Variants in TEX10 observed in about 807,000 individuals in gnomAD.
TEX10 encodes testis-expressed protein 10.
Under a neutral mutation model 104.4 loss-of-function variants are expected in TEX10, and 24 were observed. The ratio of observed to expected loss-of-function variants is 0.23; its 90% CI spans 0.17 to 0.32. TEX10 has a LOEUF of 0.32. TEX10 is among the 10% of genes least tolerant of loss of function. TEX10 has a pLI of 1.00. For missense variants in TEX10, 921 were observed against 1,083.9 expected (o/e 0.85, Z 2.11); for synonymous variants, 396 against 393.4 (o/e 1.01, Z -0.08).
chr9:100,316,875 C>A, intron 11 of TEX10, among the ~76,000 whole-genome samples: 1 of 84,162 alleles, frequency 1.2e-5, no homozygotes, highest in Admixed American at 1.6e-4. Context: ...ATCAAGAAGG[C>A]AATCCCACTT....
chr9:100,335,202 C>T (rs774480525), intron 5 of TEX10, among the ~76,000 whole-genome samples: 1 of 152,066 alleles, frequency 6.6e-6, no homozygotes, highest in African/African-American at 2.4e-5. Context: ...TCTCAAGGGT[C>T]AAGACTTTTT....
intron 5 of TEX10, among the ~76,000 whole-genome samples, chr9:100,336,579 G>A (rs1257276178): frequency 6.6e-6 from 1 of 152,098 alleles, no homozygotes; most frequent in Non-Finnish European, 1.5e-5. Flanking sequence ...CAAGCTCAGG[G>A]CTCCCACTGA....
At chr9:100,352,430 G>A in intron 1 of TEX10, 1 of 1,551,748 alleles carries the variant, frequency 6.4e-7, no homozygotes, top group Non-Finnish European at 8.7e-7. Flanking sequence ...ATGGGTTTTA[G>A]GAAACCATCG....
intron 1 of TEX10, chr9:100,352,492 C>G: frequency 1.3e-6 from 2 of 1,551,204 alleles, no homozygotes; most frequent in Non-Finnish European, 1.7e-6. Flanking sequence ...GGAAGTGGGG[C>G]CCGATTCACA....
chr9:100,328,404 A>G (rs1037082589), intron 7 of TEX10, among the ~76,000 whole-genome samples: 3 of 152,202 alleles, frequency 2.0e-5, no homozygotes, highest in African/African-American at 7.2e-5. Context: ...TGGTGATTCT[A>G]TCATGGACTT....
In TEX10 at chr9:100,333,656, A is replaced by C. The variant is rs868558354; in HGVS notation, c.1251-3487T>G. On this transcript the variant is annotated intron_variant, in intron 5 of 14. Transcript: ENST00000374902. Reference sequence around the variant, plus strand: ...CATCATAAAAAAAAAAAAAAAAAAAACCACAACAAAAAAATGCACTAAAGC... The same window carrying C: ...CATCATAAAAAAAAAAAAAAAAAAACCCACAACAAAAAAATGCACTAAAGC... 1.1e-3 allele frequency among the ~76,000 whole-genome samples: 167 copies of C among 145,566 alleles called. 3 individuals are homozygous for C. Among genetic ancestry groups the C allele is most frequent in the East Asian group, 3.8e-3 (19 of 4,980 alleles).
chr9:100,327,924 AAGCC>A lies in TEX10; in HGVS notation c.1660_1663del (p.Gly554TyrfsTer35). On this transcript the variant is annotated frameshift_variant, in exon 8 of 15. Coordinates refer to ENST00000374902, the MANE Select transcript of TEX10 (RefSeq NM_017746.4). LOFTEE classifies it high-confidence loss of function. The stretch of plus-strand genomic sequence containing the variant: ...GCCAAGATGAGCAAGTTGCAATGGT[AAGCC>A]AGCCAGCCAACGGGATAACACTTTA... 1 of 1,595,712 alleles carries A rather than the reference AAGCC, an allele frequency of 6.3e-7. No individual in the cohort carries two copies. The highest frequency in any genetic ancestry group is 8.6e-7 in the Non-Finnish European group (1 of 1,167,772).
At chr9:100,316,641 G>A (rs1318601046) in intron 11 of TEX10, among the ~76,000 whole-genome samples, 1 of 152,040 alleles carries the variant, frequency 6.6e-6, no homozygotes, top group Non-Finnish European at 1.5e-5. Flanking sequence ...TCGCTCTGTT[G>A]CCCCAACTGG....
intron 11 of TEX10, among the ~76,000 whole-genome samples, chr9:100,317,353 C>T (rs1834446487): frequency 6.6e-6 from 1 of 152,114 alleles, no homozygotes; most frequent in Admixed American, 6.5e-5. Flanking sequence ...ATATTTATAA[C>T]CAACTCAGCT....
rs933473771 is a variant in TEX10, at chr9:100,349,512, T to TA, written c.-9-141dup. 6.6e-5 allele frequency: 38 copies of TA among 574,884 alleles called. No homozygotes were observed. In the African/African-American group the frequency reaches 6.8e-4, roughly 10 times the overall value. 35.6% of individuals were successfully genotyped at this position (574,884 alleles called of 1,614,324 possible). The stretch of plus-strand genomic sequence containing the variant: ...TGATTATGCTGAAAGATCAAAATAT[T>TA]AAAAAATGCTGTTAAGAACTATTAA... On this transcript the variant is annotated intron_variant, in intron 1 of 14. Coordinates refer to ENST00000374902, the MANE Select transcript of TEX10 (RefSeq NM_017746.4).
At chr9:100,325,808 C>T (rs1834692169) in intron 9 of TEX10, among the ~76,000 whole-genome samples, 1 of 152,048 alleles carries the variant, frequency 6.6e-6, no homozygotes, top group Admixed American at 6.6e-5. Context: ...GGATTACAGG[C>T]ATGAGCCACT....
Position 100,331,192 on chromosome 9 carries a change from C to T in TEX10, c.1251-1023G>A, listed in dbSNP as rs531532719. On this transcript the variant is annotated intron_variant, in intron 5 of 14. Coordinates refer to ENST00000374902, the MANE Select transcript of TEX10 (RefSeq NM_017746.4). ...AGGAGAATCACTTGAACCCAGGAGG[C>T]GGAGTTTGCAGTGAGCCAAGATTGC... Among the ~76,000 whole-genome samples, 5 of 152,210 alleles carry T rather than the reference C, an allele frequency of 3.3e-5. No individual in the cohort carries two copies. In the South Asian group the frequency reaches 1.0e-3, roughly 32 times the overall value.
chr9:100,332,482 G>T (rs1332248414), intron 5 of TEX10, among the ~76,000 whole-genome samples: 1 of 152,300 alleles, frequency 6.6e-6, no homozygotes, highest in South Asian at 2.1e-4. Flanking sequence ...GCAGATCTCT[G>T]ATGAAACTTT....
In TEX10 at chr9:100,321,685, G is replaced by A; in HGVS notation, c.2066C>T (p.Thr689Ile). 1 of 1,610,054 alleles carries A rather than the reference G, an allele frequency of 6.2e-7. No individual in the cohort carries two copies. The highest frequency in any genetic ancestry group is 8.5e-7 in the Non-Finnish European group (1 of 1,178,260). ...ATCTGGCAAGTGAATGTGGTTACCTGTAAGTGTGGAAAATAAGAAGCTGAA... is the reference window on the plus strand; with the variant it reads ...ATCTGGCAAGTGAATGTGGTTACCTATAAGTGTGGAAAATAAGAAGCTGAA... ...DYFSFLFSTL[T>I]GFSKEELTWL... Residue 689 changes from threonine to isoleucine, a missense_variant and splice_region_variant, in exon 10 of 15, where the codon ACA (threonine) becomes ATA (isoleucine). Coordinates refer to ENST00000374902, the MANE Select transcript of TEX10 (RefSeq NM_017746.4).
intron 12 of TEX10, 47 bp from the exon 13 acceptor site, chr9:100,308,728 C>T (rs1450888442): frequency 2.8e-6 from 4 of 1,448,366 alleles, no homozygotes; most frequent in Non-Finnish European, 3.7e-6. Context: ...AACAGACCCG[C>T]TCCTCCACAT....
intron 5 of TEX10, among the ~76,000 whole-genome samples, chr9:100,334,024 G>A (rs1346352595): frequency 6.6e-6 from 1 of 152,152 alleles, no homozygotes; most frequent in African/African-American, 2.4e-5. Context: ...AATAGGTGGA[G>A]GATTCAGTAA....
chr9:100,332,909 A>G (rs953414270), intron 5 of TEX10, among the ~76,000 whole-genome samples: 2 of 152,198 alleles, frequency 1.3e-5, no homozygotes, highest in African/African-American at 4.8e-5. Flanking sequence ...GTTCCAAAGA[A>G]AAAAGCTGCA....
chr9:100,337,234 T>G (rs1033346960), intron 5 of TEX10, among the ~76,000 whole-genome samples: 8 of 152,218 alleles, frequency 5.3e-5, no homozygotes, highest in African/African-American at 1.9e-4. Flanking sequence ...TCCTTTACCA[T>G]GAAATGCTCA....
intron 11 of TEX10, among the ~76,000 whole-genome samples, chr9:100,311,857 G>A (rs1289598005): frequency 2.0e-5 from 3 of 152,070 alleles, no homozygotes; most frequent in African/African-American, 7.2e-5. Context: ...GAAAAAACAA[G>A]AATGGTAGAA....
Sources: allele counts gnomAD v4.1 joint callset (sites outside exome capture counted in the v4.1 genomes callset), GRCh38; gene constraint gnomAD v4.1.1; transcripts MANE v1.5; gene names NCBI Gene and HGNC (gene_info 2026-07-23, HGNC 2026-07-21).